TUBGCP3: variants seen among roughly 807,000 people sequenced by gnomAD.
The protein encoded by TUBGCP3 is gamma-tubulin complex component 3.
TUBGCP3 carries 50 observed loss-of-function variants against 123.1 expected under a neutral mutation model. The observed-to-expected ratio is 0.41, with a 90% CI of 0.32 to 0.51. TUBGCP3 has a LOEUF of 0.51. Ranked by LOEUF, TUBGCP3 falls within the 20% of genes least tolerant of loss-of-function variation. The pLI is 0.36. For missense variants in TUBGCP3, 882 were observed against 1,127.0 expected, an observed-to-expected ratio of 0.78 and a Z score of 3.11; for synonymous variants, 405 against 413.9, an observed-to-expected ratio of 0.98 and a Z score of 0.26.
intron 11 of TUBGCP3, among the ~76,000 whole-genome samples, chr13:112,540,571 A>G (rs1878436252): frequency 6.8e-6 from 1 of 146,404 alleles, no homozygotes; most frequent in Non-Finnish European, 1.5e-5. Context: ...ACACCTGGGA[A>G]TGAGGACGTC....
chr13:112,560,508 T>C (rs1361321251), intron 3 of TUBGCP3, among the ~76,000 whole-genome samples: 4 of 152,114 alleles, frequency 2.6e-5, no homozygotes, highest in African/African-American at 4.8e-5. Flanking sequence ...AGGGTTATCA[T>C]ACAGATTTCA....
At chr13:112,500,718 G>A (rs985492970) in intron 19 of TUBGCP3, among the ~76,000 whole-genome samples, 5 of 152,210 alleles carry the variant, frequency 3.3e-5, no homozygotes, top group Non-Finnish European at 1.5e-5. Context: ...GATTTGGGGA[G>A]AAACTAAGAT....
chr13:112,583,069 C>T (rs992394955), intron 1 of TUBGCP3, among the ~76,000 whole-genome samples: 22 of 152,170 alleles, frequency 1.4e-4, no homozygotes, highest in African/African-American at 3.4e-4. Flanking sequence ...CCAACCTTGG[C>T]CCCGCAATTT....
intron 1 of TUBGCP3, among the ~76,000 whole-genome samples, chr13:112,576,544 C>T (rs546223951): frequency 3.3e-5 from 5 of 152,204 alleles, no homozygotes; most frequent in African/African-American, 9.6e-5. Context: ...AGCTGACGAA[C>T]ATATTGATTA....
At chr13:112,548,725 A>T (rs541151204) in intron 8 of TUBGCP3, among the ~76,000 whole-genome samples, 155 of 152,388 alleles carry the variant, frequency 1.0e-3, no homozygotes, top group Non-Finnish European at 5.6e-4. Context: ...GCCAACAGAC[A>T]CATGAAAAAA....
chr13:112,549,016 C>T (rs1357467324), intron 8 of TUBGCP3, among the ~76,000 whole-genome samples: 1 of 152,168 alleles, frequency 6.6e-6, no homozygotes. Flanking sequence ...AATCATGCTG[C>T]TATAAAGACA....
At chr13:112,567,105 G>A (rs1881011281) in intron 2 of TUBGCP3, among the ~76,000 whole-genome samples, 1 of 152,210 alleles carries the variant, frequency 6.6e-6, no homozygotes, top group Admixed American at 6.5e-5. Flanking sequence ...GAAGGAGGTG[G>A]TGCTCACTGG....
chr13:112,577,916 T>C (rs918402856), intron 1 of TUBGCP3, among the ~76,000 whole-genome samples: 3 of 152,208 alleles, frequency 2.0e-5, no homozygotes, highest in Non-Finnish European at 4.4e-5. Flanking sequence ...GAAAAAGCTT[T>C]CTTTGGTAAA....
chr13:112,530,264 ATATAT>A (rs1433845754), intron 11 of TUBGCP3, among the ~76,000 whole-genome samples: 1 of 152,270 alleles, frequency 6.6e-6, no homozygotes, highest in African/African-American at 2.4e-5. Context: ...CTTCGTCAGC[ATATAT>A]TATACTTCTA....
In TUBGCP3 at chr13:112,485,729, TA is replaced by T. The variant is rs1184007247; in HGVS notation, c.*263del. 2.5e-6 allele frequency: 1 copy of T among 395,226 alleles called. No homozygotes were observed. The highest frequency in any genetic ancestry group is 4.5e-6 in the Non-Finnish European group (1 of 224,240). The allele number at this position is 395,226 out of a possible 1,614,324, so 24.5% of individuals were successfully genotyped here. ...CTTAAGAAGCCTCAGCAAATTATGG[TA>T]TCTTTTAGCGATGAAGACTTTTAGA... On this transcript the variant is annotated 3_prime_UTR_variant, in exon 22 of 22. Transcript: ENST00000261965.
Position 112,519,817 on chromosome 13 carries a change from G to A in TUBGCP3, c.1881+69C>T. 5 of 1,544,554 alleles carry A rather than the reference G, an allele frequency of 3.2e-6. No individual in the cohort carries two copies. Among genetic ancestry groups the A allele is most frequent in the Non-Finnish European group, 4.4e-6 (5 of 1,145,562 alleles). ...GCCTGAAACAACATGGAAAACACTC[G>A]CTAGAACACCCCGGCCCAGTGGGTC... On this transcript the variant is annotated intron_variant, in intron 15 of 21. Coordinates refer to ENST00000261965, the MANE Select transcript of TUBGCP3 (RefSeq NM_006322.6). This position sits in a 1 kb window ranked among gnomAD's most constrained non-coding sequence, Gnocchi z 6.2.
At chr13:112,554,220 G>C in intron 7 of TUBGCP3, 38 bp from the exon 8 acceptor site, 1 of 1,608,582 alleles carries the variant, frequency 6.2e-7, no homozygotes, top group Admixed American at 1.7e-5. Flanking sequence ...ACATTAAAAA[G>C]CAATACTAGA....
chr13:112,568,716 A>G (rs1472740819), intron 2 of TUBGCP3, among the ~76,000 whole-genome samples: 1 of 152,250 alleles, frequency 6.6e-6, no homozygotes, highest in Non-Finnish European at 1.5e-5. Flanking sequence ...TGGCTTATAC[A>G]GCCCAGAGAA....
intron 11 of TUBGCP3, among the ~76,000 whole-genome samples, chr13:112,541,006 C>A (rs563107968): frequency 1.3e-5 from 2 of 152,260 alleles, no homozygotes; most frequent in African/African-American, 4.8e-5. Flanking sequence ...CAAATTTAAA[C>A]CACACTAGTC....
chr13:112,521,788 G>T (rs1876648971), intron 14 of TUBGCP3: 12 of 985,368 alleles, frequency 1.2e-5, no homozygotes, highest in Non-Finnish European at 1.4e-5. Context: ...GCCTGGGCCG[G>T]GGTCTGCACT....
Position 112,485,170 on chromosome 13 carries a change from A to T in TUBGCP3, c.*823T>A, listed in dbSNP as rs1408410874. 6.6e-6 allele frequency: 1 copy of T among 152,652 alleles called. No individual in the cohort carries two copies. The highest frequency in any genetic ancestry group is 2.4e-5 in the African/African-American group (1 of 41,456). The allele number at this position is 152,652 out of a possible 1,614,324, so 9.5% of individuals were successfully genotyped here. ...TTTACAATGAAAAAATAGGCAAGGA[A>T]AAAGGAAATCTTCATTATCCATGTC... On this transcript the variant is annotated 3_prime_UTR_variant, in exon 22 of 22. Transcript: ENST00000261965.
intron 8 of TUBGCP3, among the ~76,000 whole-genome samples, chr13:112,552,856 G>A (rs1386213987): frequency 2.9e-5 from 4 of 137,184 alleles, no homozygotes; most frequent in Admixed American, 7.3e-5. Context: ...CACCAGCCAC[G>A]CTCCTCCCCA....
intron 8 of TUBGCP3, among the ~76,000 whole-genome samples, chr13:112,553,686 T>A (rs1879785119): frequency 6.6e-6 from 1 of 152,174 alleles, no homozygotes; most frequent in Non-Finnish European, 1.5e-5. Context: ...GCTGGGAGTG[T>A]CCCCTGTTGG....
chr13:112,576,450 T>C (rs1881813615), intron 1 of TUBGCP3, among the ~76,000 whole-genome samples: 2 of 152,092 alleles, frequency 1.3e-5, no homozygotes, highest in Admixed American at 6.6e-5. Flanking sequence ...GACAATAGAT[T>C]GTGTACTTGA....
Sources: allele counts gnomAD v4.1 joint callset (sites outside exome capture counted in the v4.1 genomes callset), GRCh38; gene constraint gnomAD v4.1.1; non-coding constraint Gnocchi (gnomAD v3.1); transcripts MANE v1.5; gene names NCBI Gene and HGNC (gene_info 2026-07-23, HGNC 2026-07-21).